Variants in DNAH10 observed in about 807,000 individuals in gnomAD.
DNAH10 encodes dynein axonemal heavy chain 10, also known as axonemal beta dynein heavy chain 10.
Under a neutral mutation model 506.6 loss-of-function variants are expected in DNAH10, and 348 were observed. The observed-to-expected ratio is 0.69, with a 90% CI of 0.63 to 0.75. The LOEUF (loss-of-function observed/expected upper bound fraction) is 0.75, where lower values mean the gene tolerates loss of function less well. Ranked by LOEUF, DNAH10 falls within the 30% of genes least tolerant of loss-of-function variation. The pLI, the probability that DNAH10 is intolerant of heterozygous loss-of-function variation, is 0.00. For missense variants in DNAH10, 5,179 were observed against 5,787.1 expected (o/e 0.89, Z 3.41); for synonymous variants, 2,059 against 2,198.6 (o/e 0.94, Z 1.78).
intron 52 of DNAH10, among the ~76,000 whole-genome samples, chr12:123,888,473 T>C (rs534994765): frequency 2.0e-5 from 3 of 152,244 alleles, no homozygotes; most frequent in Non-Finnish European, 4.4e-5. Flanking sequence ...CAGCTGTCCT[T>C]ATAAGAGAAG....
In DNAH10 at chr12:123,780,357, G is replaced by C. The variant is rs1462674381; in HGVS notation, c.622-723G>C. 3.3e-5 allele frequency among the ~76,000 whole-genome samples: 5 copies of C among 151,958 alleles called. No homozygotes were observed. The East Asian group carries it at 9.9e-4, about 30-fold the overall frequency. ...ATTTTTGTATTTTTAGTAGAGATGG[G>C]GTTTCACCATGTTGGCCAGGCTGGT... is the stretch of plus-strand genomic sequence containing the variant. On this transcript the variant is annotated intron_variant, in intron 5 of 78. Transcript: ENST00000673944.
At position 123,853,134 on chromosome 12, in the gene DNAH10, G is replaced by A; in HGVS notation, c.6292-72G>A. ...CTGCCCCCGTTTTCTTGCATTTGTA[G>A]AATGATGCTCCATTGCTTTTGAATC... On this transcript the variant is annotated intron_variant, in intron 35 of 78. Coordinates refer to ENST00000673944, the MANE Select transcript of DNAH10 (RefSeq NM_001372106.1). This position sits in a 1 kb window ranked among gnomAD's most constrained non-coding sequence, Gnocchi z 4.7. The A allele has an allele frequency of 7.1e-7, 1 of 1,404,726 alleles. No individual in the cohort carries two copies. Among genetic ancestry groups the A allele is most frequent in the South Asian group, 1.7e-5 (1 of 58,366 alleles). The allele number at this position is 1,404,726 out of a possible 1,614,324, so 87.0% of individuals were successfully genotyped here.
intron 11 of DNAH10, among the ~76,000 whole-genome samples, chr12:123,790,690 T>C (rs943144675): frequency 1.3e-5 from 2 of 152,000 alleles, no homozygotes; most frequent in Admixed American, 6.6e-5. Context: ...ATAACACATA[T>C]GGGTAGTAGA....
In DNAH10 at chr12:123,917,526, C is replaced by G; in HGVS notation, c.11003-58C>G. The stretch of plus-strand genomic sequence containing the variant: ...AGCTTGTCCCGTCACAGCAGGGCAG[C>G]GGGAGAGACTGTTGTTGGGGGCCGC... On this transcript the variant is annotated intron_variant, in intron 63 of 78. Transcript: ENST00000673944. This position sits in a 1 kb window ranked among gnomAD's most constrained non-coding sequence, Gnocchi z 5.6. The G allele has an allele frequency of 6.6e-7, 1 of 1,504,466 alleles. No individual in the cohort carries two copies. Among genetic ancestry groups the G allele is most frequent in the Non-Finnish European group, 9.0e-7 (1 of 1,110,692 alleles). The allele number at this position is 1,504,466 out of a possible 1,614,324, so 93.2% of individuals were successfully genotyped here.
intron 1 of DNAH10, among the ~76,000 whole-genome samples, chr12:123,765,059 C>G (rs1220106090): frequency 6.6e-6 from 1 of 152,022 alleles, no homozygotes; most frequent in Admixed American, 6.6e-5. Flanking sequence ...GAGAGCCCAG[C>G]GTGTCCTTTG....
intron 59 of DNAH10, among the ~76,000 whole-genome samples, chr12:123,912,617 C>A (rs1406474547): frequency 5.9e-5 from 9 of 152,148 alleles, no homozygotes; most frequent in Non-Finnish European, 1.3e-4. Context: ...TACCAAACGT[C>A]CCCTGGGGGA....
In DNAH10 at chr12:123,777,391, G is replaced by A. The variant is rs554706502; in HGVS notation, c.621+3127G>A. On this transcript the variant is annotated intron_variant, in intron 5 of 78. Coordinates refer to ENST00000673944, the MANE Select transcript of DNAH10 (RefSeq NM_001372106.1). ...GCCACTTGCTGCTGGAAGTCAAGAAGGCACAGGCAAAGAAGAGCTGGAGGG... is the reference window on the plus strand; with the variant it reads ...GCCACTTGCTGCTGGAAGTCAAGAAAGCACAGGCAAAGAAGAGCTGGAGGG... 9.7e-4 allele frequency among the ~76,000 whole-genome samples: 147 copies of A among 152,324 alleles called. No homozygotes were observed. In the South Asian group the frequency reaches 0.012, roughly 12 times the overall value.
At chr12:123,793,497 C>A (rs943813864) in intron 11 of DNAH10, among the ~76,000 whole-genome samples, 1 of 152,090 alleles carries the variant, frequency 6.6e-6, no homozygotes, top group African/African-American at 2.4e-5. Flanking sequence ...CACCACCATG[C>A]CCGGCTAATT....
In DNAH10 at chr12:123,926,593, G is replaced by A; in HGVS notation, c.11922-44G>A. ...CAGACAGACCAGCCCCTGGTCTGGA[G>A]CTGTCCTCGCGGGAGAGTTTTCTGA... On this transcript the variant is annotated intron_variant, in intron 68 of 78. Coordinates refer to ENST00000673944, the MANE Select transcript of DNAH10 (RefSeq NM_001372106.1). This position sits in a 1 kb window ranked among gnomAD's most constrained non-coding sequence, Gnocchi z 4.1. The A allele has an allele frequency of 1.3e-6, 2 of 1,592,054 alleles. No homozygotes were observed. The highest frequency in any genetic ancestry group is 1.1e-5 in the South Asian group (1 of 88,162).
Position 123,785,687 on chromosome 12 carries a change from G to T in DNAH10, c.1231-59G>T. On this transcript the variant is annotated intron_variant, in intron 8 of 78. Coordinates refer to ENST00000673944, the MANE Select transcript of DNAH10 (RefSeq NM_001372106.1). This position sits in a 1 kb window ranked among gnomAD's most constrained non-coding sequence, Gnocchi z 4.1. ...ACTTCTTGCATGCTTACTGTTTTATGAAACTATTTGGACCCCAAGGCTAAG... is the reference window on the plus strand; with the variant it reads ...ACTTCTTGCATGCTTACTGTTTTATTAAACTATTTGGACCCCAAGGCTAAG... The T allele has an allele frequency of 1.1e-4, 125 of 1,163,534 alleles. No individual in the cohort carries two copies. Among genetic ancestry groups the T allele is most frequent in the Non-Finnish European group, 1.3e-4 (111 of 844,812 alleles). 72.1% of individuals were successfully genotyped at this position (1,163,534 alleles called of 1,614,324 possible).
Position 123,864,699 on chromosome 12 carries a change from G to A in DNAH10, c.7013G>A (p.Arg2338Gln), listed in dbSNP as rs774333500. 6.2e-6 allele frequency: 10 copies of A among 1,613,842 alleles called. No individual in the cohort carries two copies. The highest frequency in any genetic ancestry group is 2.2e-5 in the East Asian group (1 of 44,890). ...LLTLANGERI[R>Q]LQAHCALLFE... The stretch of plus-strand genomic sequence containing the variant: ...ACATTGGCCAACGGGGAACGCATCC[G>A]GCTCCAAGCACACTGTGCCCTGCTC... Residue 2338 changes from arginine to glutamine, a missense_variant, in exon 40 of 79, where the codon CGG becomes CAG. Around this residue, in one of 3 missense-constraint regions of DNAH10, gnomAD observed 4,844 missense variants for 5,430.5 expected, o/e 0.89. Transcript: ENST00000673944.
Position 123,835,393 on chromosome 12 carries a change from T to G in DNAH10, c.4780-13T>G. On this transcript the variant is annotated splice_polypyrimidine_tract_variant and intron_variant, in intron 27 of 78. Transcript: ENST00000673944. ...ATAACCCCTGCTGACACTGACCTTT[T>G]GTACATTTACAGATTTGGATGTTGG... 6.2e-7 allele frequency: 1 copy of G among 1,612,166 alleles called. No individual in the cohort carries two copies. The highest frequency in any genetic ancestry group is 1.3e-5 in the African/African-American group (1 of 75,052).
In DNAH10 at chr12:123,845,600, A is replaced by C. The variant is rs746133145; in HGVS notation, c.5361A>C (p.Arg1787Ser). ...TCTTACAGGTGTGCGTTTTCTGCAGAGTCGACTGGATGCTCCTGTACCAGG... is the reference window on the plus strand; with the variant it reads ...TCTTACAGGTGTGCGTTTTCTGCAGCGTCGACTGGATGCTCCTGTACCAGG... ...AIFRYCEDRS[R>S]VDWMLLYQGM... The change falls in exon 31 of 79, where the codon AGA (arginine) becomes AGC (serine). Residue 1787 changes from arginine to serine, a missense_variant and splice_region_variant. Physicochemically the swap from Arg to Ser is moderately radical, Grantham distance 110. Around this residue, in one of 3 missense-constraint regions of DNAH10, gnomAD observed 4,844 missense variants for 5,430.5 expected, o/e 0.89. Transcript: ENST00000673944. The C allele has an allele frequency of 1.2e-5, 20 of 1,612,272 alleles. 1 individual carries two copies. The highest frequency in any genetic ancestry group is 4.4e-5 in the South Asian group (4 of 91,074).
chr12:123,866,226 A>C (rs554369335), intron 41 of DNAH10, among the ~76,000 whole-genome samples, 153 bp downstream of exon 41: 45 of 85,584 alleles, frequency 5.3e-4, no homozygotes, highest in Middle Eastern at 7.8e-3. Context: ...CATGGCAGAC[A>C]CACTTTTTTT....
chr12:123,775,257 C>A (rs1441089836), intron 5 of DNAH10, among the ~76,000 whole-genome samples: 1 of 152,078 alleles, frequency 6.6e-6, no homozygotes, highest in East Asian at 1.9e-4. Flanking sequence ...TACAGGCATA[C>A]ACCACCATGC....
rs1454714837 is a variant in DNAH10, at chr12:123,909,140, G to A, written c.9816-121G>A. ...TGTTGGGACCTGGCTTCTTTCGTTT[G>A]CTTGCAGCAGTAGCTCCAGGGACTG... On this transcript the variant is annotated intron_variant, in intron 57 of 78. Transcript: ENST00000673944. This position sits in a 1 kb window ranked among gnomAD's most constrained non-coding sequence, Gnocchi z 5.4. The A allele has an allele frequency of 8.2e-6, 11 of 1,338,882 alleles. No individual in the cohort carries two copies. Among genetic ancestry groups the A allele is most frequent in the Non-Finnish European group, 1.1e-5 (11 of 977,044 alleles). 82.9% of individuals were successfully genotyped at this position (1,338,882 alleles called of 1,614,324 possible). A position where few individuals can be genotyped will look rare whatever the true frequency, so the allele number is the denominator to read the frequency against.
At chr12:123,821,874 G>T (rs1959442519) in intron 24 of DNAH10, among the ~76,000 whole-genome samples, 1 of 152,038 alleles carries the variant, frequency 6.6e-6, no homozygotes, top group Admixed American at 6.6e-5. Context: ...TTCGAGACTA[G>T]CCTGGGCAAC....
In DNAH10 at chr12:123,767,527, C is replaced by G. The variant is rs1957092451; in HGVS notation, c.215-79C>G. 5 of 1,411,432 alleles carry G rather than the reference C, an allele frequency of 3.5e-6. No homozygotes were observed. The Admixed American group carries it at 8.0e-5, about 23-fold the overall frequency. 87.4% of individuals were successfully genotyped at this position (1,411,432 alleles called of 1,614,324 possible). A position where few individuals can be genotyped will look rare whatever the true frequency, so the allele number is the denominator to read the frequency against. On this transcript the variant is annotated intron_variant, in intron 1 of 78. Coordinates refer to ENST00000673944, the MANE Select transcript of DNAH10 (RefSeq NM_001372106.1). ...GCCACATACCAACCCCTTGGCTCCACAGAAAGCAAAGATATCAGGTGTTTC... is the reference window on the plus strand; with the variant it reads ...GCCACATACCAACCCCTTGGCTCCAGAGAAAGCAAAGATATCAGGTGTTTC...
At position 123,808,765 on chromosome 12, in the gene DNAH10, C is replaced by T. The variant is rs773584359; in HGVS notation, c.2988-32C>T. On this transcript the variant is annotated intron_variant, in intron 18 of 78. Coordinates refer to ENST00000673944, the MANE Select transcript of DNAH10 (RefSeq NM_001372106.1). The stretch of plus-strand genomic sequence containing the variant: ...TGGTGTATTTCACTCTAGTGAGATA[C>T]ACTCTGAGTCTTTCTCATCAACCCC... 6 of 1,610,208 alleles carry T rather than the reference C, an allele frequency of 3.7e-6. No homozygotes were observed. The South Asian group carries it at 4.4e-5, about 12-fold the overall frequency.
Sources: allele counts gnomAD v4.1 joint callset (sites outside exome capture counted in the v4.1 genomes callset), GRCh38; gene constraint gnomAD v4.1.1; regional missense constraint gnomAD v4.1.1; non-coding constraint Gnocchi (gnomAD v3.1); transcripts MANE v1.5; gene names NCBI Gene and HGNC (gene_info 2026-07-23, HGNC 2026-07-21).